DMD: variants seen among roughly 807,000 people sequenced by gnomAD.
DMD encodes dystrophin, also known as mutant dystrophin.
A neutral mutation model predicts 330.1 loss-of-function variants in DMD; 63 were observed. The ratio of observed to expected loss-of-function variants is 0.19; its 90% CI spans 0.16 to 0.24. DMD has a LOEUF of 0.24. DMD is among the 10% of genes least tolerant of loss of function. DMD has a pLI of 1.00. For missense variants in DMD, 3,344 were observed against 2,684.1 expected (o/e 1.25, Z -5.43); for synonymous variants, 1,223 against 959.8 (o/e 1.27, Z -5.07).
intron 44 of DMD, among the ~76,000 whole-genome samples, chrX:32,037,311 G>A (rs2095956582): frequency 8.9e-6 from 1 of 111,843 alleles, no homozygotes; most frequent in Non-Finnish European, 1.9e-5. Flanking sequence ...ATTCATGGAA[G>A]TGTTAACACA....
At position 33,290,461 on chromosome X, in the gene DMD, G is replaced by A. The variant is rs763205405; in HGVS notation, c.7+48798C>T. Among the ~76,000 whole-genome samples the A allele has an allele frequency of 1.1e-4, 12 of 111,275 alleles. 1 individual carries two copies. The East Asian group carries it at 2.6e-3, about 24-fold the overall frequency. On this transcript the variant is annotated intron_variant, in intron 1 of 17. Coordinates refer to the DMD transcript ENST00000288447. ...TTATAAAATCCAGAATGCTAAACAC[G>A]AACTATAGGATGCTGCATGAGGTAA...
At chrX:32,748,345 CAAA>C (rs776751298) in intron 7 of DMD, among the ~76,000 whole-genome samples, 2 of 48,582 alleles carry the variant, frequency 4.1e-5, no homozygotes. Flanking sequence ...GACTCCGTCT[CAAA>C]AAAAAAAAAA....
chrX:31,655,692 T>C (rs910628803), intron 54 of DMD, among the ~76,000 whole-genome samples: 1 of 110,566 alleles, frequency 9.0e-6, no homozygotes, highest in African/African-American at 3.3e-5. Context: ...AAGGACAAGT[T>C]TGGCCCCATT....
intron 47 of DMD, among the ~76,000 whole-genome samples, chrX:31,884,758 C>A (rs980201400): frequency 5.4e-5 from 6 of 111,577 alleles, no homozygotes; most frequent in Non-Finnish European, 1.1e-4. Context: ...CATTGTACAC[C>A]ATGACAATAA....
intron 2 of DMD, among the ~76,000 whole-genome samples, chrX:32,891,734 C>G (rs1055089167): frequency 8.9e-6 from 1 of 111,916 alleles, no homozygotes; most frequent in East Asian, 2.8e-4. Context: ...CTGTAAATCA[C>G]TACATTATGT....
In DMD at chrX:31,721,669, TCTCTCTCTCTCTCTCA is replaced by T. The variant is rs202200604; in HGVS notation, c.7660+7946_7660+7961del. ...TTATATATATTAGTATTATTACCAA[TCTCTCTCTCTCTCTCA>T]CTCTCTCTCTCTCTCTCTCTCTCTC... On this transcript the variant is annotated intron_variant, in intron 52 of 78. Coordinates refer to ENST00000357033, the MANE Select transcript of DMD (RefSeq NM_004006.3). Among the ~76,000 whole-genome samples the T allele has an allele frequency of 2.5e-3, 102 of 41,472 alleles. No homozygotes were observed. The East Asian group carries it at 0.03, about 12-fold the overall frequency. 36.0% of individuals were successfully genotyped at this position (41,472 alleles called of 115,157 possible). A position where few individuals can be genotyped will look rare whatever the true frequency, so the allele number is the denominator to read the frequency against.
chrX:31,511,489 C>G (rs1471611052), intron 55 of DMD, among the ~76,000 whole-genome samples: 21 of 71,273 alleles, frequency 2.9e-4, no homozygotes, highest in Non-Finnish European at 4.5e-4. Flanking sequence ...CCCCTCCCCC[C>G]ACCCCACAAC....
Position 32,619,666 on chromosome X carries a change from G to A in DMD, c.1332-5213C>T, listed in dbSNP as rs113128314. On this transcript the variant is annotated intron_variant, in intron 11 of 78. Coordinates refer to ENST00000357033, the MANE Select transcript of DMD (RefSeq NM_004006.3). Reference sequence around the variant, plus strand: ...AATATAAAAGTTGGGTCTGTTGAGTGTGTGTGTGGATGCTGCATACTATTG... The same window carrying A: ...AATATAAAAGTTGGGTCTGTTGAGTATGTGTGTGGATGCTGCATACTATTG... Among the ~76,000 whole-genome samples, 765 of 111,790 alleles carry A rather than the reference G, an allele frequency of 6.8e-3. 8 individuals carry two copies. The highest frequency in any genetic ancestry group is 0.023 in the African/African-American group (702 of 30,748).
rs557474481 is a variant in DMD at position 32,065,785 on chromosome X, G to T, written c.6439-97271C>A. On this transcript the variant is annotated intron_variant, in intron 44 of 78. Transcript: ENST00000357033. The stretch of plus-strand genomic sequence containing the variant: ...ATAATATTCATATAAAAGTGGTCTT[G>T]TCTGTGGACGTTAAATATTTTAATC... 6.7e-4 allele frequency among the ~76,000 whole-genome samples: 75 copies of T among 111,828 alleles called. 2 individuals are homozygous for T. The South Asian group carries it at 0.027, about 40-fold the overall frequency.
rs370463654 is a variant in DMD, at chrX:32,573,857, G to A, written c.1603-11C>T. Reference sequence around the variant, plus strand: ...TCGATCTCCCAATACCTGGAGAAGAGACAATCAAGCACAGCATCAGCAAAC... The same window carrying A: ...TCGATCTCCCAATACCTGGAGAAGAAACAATCAAGCACAGCATCAGCAAAC... On this transcript the variant is annotated splice_polypyrimidine_tract_variant and intron_variant, in intron 13 of 78. Transcript: ENST00000357033. 5.9e-5 allele frequency: 70 copies of A among 1,179,405 alleles called. No individual in the cohort carries two copies. Among genetic ancestry groups the A allele is most frequent in the Non-Finnish European group, 6.3e-5 (55 of 867,809 alleles).
At chrX:32,054,084 TGTGTGAGA>T (rs1179402071) in intron 44 of DMD, among the ~76,000 whole-genome samples, 110 of 75,729 alleles carry the variant, frequency 1.5e-3, no homozygotes, top group African/African-American at 6.7e-3. Context: ...TGTGTGTGTG[TGTGTGAGA>T]GAGAGAGAGA....
At chrX:31,879,566 TA>T (rs2094026365) in intron 47 of DMD, among the ~76,000 whole-genome samples, 1 of 112,413 alleles carries the variant, frequency 8.9e-6, no homozygotes, top group Non-Finnish European at 1.9e-5. Flanking sequence ...TTGCATATTT[TA>T]ATAATGAATC....
Position 33,150,475 on chromosome X carries a change from G to C in DMD, c.31+60807C>G, listed in dbSNP as rs149497272. Among the ~76,000 whole-genome samples the C allele has an allele frequency of 1.0e-3, 114 of 109,214 alleles. 2 individuals carry two copies. The East Asian group carries it at 0.03, about 29-fold the overall frequency. The allele number at this position is 109,214 out of a possible 115,157, so 94.8% of individuals were successfully genotyped here. On this transcript the variant is annotated intron_variant, in intron 1 of 78. Coordinates refer to ENST00000357033, the MANE Select transcript of DMD (RefSeq NM_004006.3). ...CGCCCGGCTAATCTTTGTATGTTTA[G>C]TAGAGTTGGGGTTTCGCCATACTGG...
At chrX:31,145,600 A>G (rs2036586089) in intron 76 of DMD, among the ~76,000 whole-genome samples, 1 of 109,766 alleles carries the variant, frequency 9.1e-6, no homozygotes, top group Non-Finnish European at 1.9e-5. Context: ...CTTCCAACCA[A>G]ATCCTCTCCC....
chrX:32,043,326 A>T (rs2096027474), intron 44 of DMD, among the ~76,000 whole-genome samples: 1 of 112,288 alleles, frequency 8.9e-6, no homozygotes, highest in South Asian at 3.7e-4. Flanking sequence ...CCCTGGACAC[A>T]GCTCAGTGGA....
chrX:32,624,781 G>A (rs1049966904), intron 11 of DMD, among the ~76,000 whole-genome samples: 12 of 111,897 alleles, frequency 1.1e-4, no homozygotes, highest in South Asian at 3.7e-4. Flanking sequence ...GATTTTACTC[G>A]AGAGCTGTCA....
intron 4 of DMD, among the ~76,000 whole-genome samples, chrX:32,839,540 T>A (rs1412885498): frequency 8.9e-6 from 1 of 111,883 alleles, no homozygotes; most frequent in Non-Finnish European, 1.9e-5. Flanking sequence ...GGATAGGACT[T>A]CTTCAATGTG....
chrX:31,862,900 C>G (rs937237984), intron 48 of DMD, among the ~76,000 whole-genome samples: 2 of 112,643 alleles, frequency 1.8e-5, no homozygotes, highest in Non-Finnish European at 3.8e-5. Flanking sequence ...CTCTGAAGAT[C>G]GAGAAAGAGG....
chrX:32,673,673 C>T (rs770205713), intron 9 of DMD, among the ~76,000 whole-genome samples: 416 of 111,875 alleles, frequency 3.7e-3, no homozygotes, highest in Middle Eastern at 0.018. Context: ...ACAAAGTAGA[C>T]GATCCCTCCT....
Sources: gnomAD v4.1 joint callset for allele counts (sites outside exome capture counted in the v4.1 genomes callset) on GRCh38, gnomAD v4.1.1 for gene constraint, MANE v1.5 for transcripts, NCBI Gene and HGNC (gene_info 2026-07-23, HGNC 2026-07-21) for gene names.